ARHGAP26: variants seen among roughly 807,000 people sequenced by gnomAD.
ARHGAP26 encodes Rho GTPase activating protein 26.
A neutral mutation model predicts 104.8 loss-of-function variants in ARHGAP26; 38 were observed. The ratio of observed to expected loss-of-function variants is 0.36; its 90% CI spans 0.28 to 0.48. The LOEUF (loss-of-function observed/expected upper bound fraction) is 0.48, where lower values mean the gene tolerates loss of function less well. Among genes scored for constraint, ARHGAP26 ranks in the 20% least tolerant of loss-of-function variants. The probability of loss-of-function intolerance (pLI) is 0.99; values close to 1 mark genes in which losing one functional copy is unlikely to be tolerated. For missense variants in ARHGAP26, 704 were observed against 947.9 expected, an observed-to-expected ratio of 0.74 and a Z score of 3.38; for synonymous variants, 341 against 340.0, an observed-to-expected ratio of 1.00 and a Z score of -0.03.
chr5:142,842,587 A>G (rs1180692868), intron 1 of ARHGAP26, among the ~76,000 whole-genome samples: 1 of 152,236 alleles, frequency 6.6e-6, no homozygotes, highest in Admixed American at 6.5e-5. Context: ...AAACATGCCT[A>G]GAGGTCCCAC....
intron 20 of ARHGAP26, among the ~76,000 whole-genome samples, chr5:143,177,987 CTTTTTTTTTTTTTT>C (rs397705462): frequency 1.9e-4 from 11 of 58,340 alleles, no homozygotes; most frequent in South Asian, 9.8e-4. Context: ...TGTGGCAGTC[CTTTTTTTTTTTTTT>C]TTTTTTTTTT....
At position 143,228,601 on chromosome 5, in the gene ARHGAP26, G is replaced by T. The variant is rs1044714000; in HGVS notation, c.*6155G>T. 1.4e-4 allele frequency: 29 copies of T among 214,512 alleles called. No homozygotes were observed. Among genetic ancestry groups the T allele is most frequent in the South Asian group, 1.9e-4 (1 of 5,350 alleles). 13.3% of individuals were successfully genotyped at this position (214,512 alleles called of 1,614,324 possible). Reference sequence around the variant, plus strand: ...CCACATTTTGGAAAAGAAAATATTTGCATGTTTAATTCATAATTTAGGCTA... The same window carrying T: ...CCACATTTTGGAAAAGAAAATATTTTCATGTTTAATTCATAATTTAGGCTA... On this transcript the variant is annotated 3_prime_UTR_variant, in exon 23 of 23. Transcript: ENST00000645722.
At chr5:142,901,011 G>T (rs1330904068) in intron 6 of ARHGAP26, among the ~76,000 whole-genome samples, 7 of 152,116 alleles carry the variant, frequency 4.6e-5, no homozygotes, top group Non-Finnish European at 1.0e-4. Context: ...CTTTCTTCAG[G>T]TTGAAGTTTA....
intron 1 of ARHGAP26, among the ~76,000 whole-genome samples, chr5:142,793,506 G>A (rs1046552483): frequency 1.3e-5 from 2 of 151,992 alleles, no homozygotes; most frequent in Non-Finnish European, 2.9e-5. Context: ...GTATGGACAT[G>A]GAGTATTGGT....
intron 17 of ARHGAP26, among the ~76,000 whole-genome samples, chr5:143,090,165 C>G (rs557076251): frequency 2.0e-5 from 3 of 152,200 alleles, no homozygotes; most frequent in Non-Finnish European, 4.4e-5. Flanking sequence ...CGCAGGGTGC[C>G]GGACTTCGGG....
intron 20 of ARHGAP26, among the ~76,000 whole-genome samples, chr5:143,170,892 C>G (rs72799992): frequency 0.038 from 5,750 of 152,212 alleles, 161 homozygotes; most frequent in Non-Finnish European, 0.058. Context: ...CTTTTTCTTG[C>G]CCTCCATTCT....
chr5:143,127,156 C>G (rs147174860), intron 18 of ARHGAP26, among the ~76,000 whole-genome samples: 1 of 152,302 alleles, frequency 6.6e-6, no homozygotes, highest in East Asian at 1.9e-4. Flanking sequence ...AAACTGCTTG[C>G]TTTTCATAGT....
chr5:142,860,249 A>C (rs531117298), intron 1 of ARHGAP26: 61 of 152,358 alleles, frequency 4.0e-4, no homozygotes, highest in African/African-American at 1.4e-3. Context: ...CCTTCTGAGC[A>C]TGGGACCCTG....
intron 11 of ARHGAP26, among the ~76,000 whole-genome samples, chr5:142,995,046 T>A (rs1233342582): frequency 6.6e-6 from 1 of 152,138 alleles, no homozygotes; most frequent in Non-Finnish European, 1.5e-5. Context: ...ACGTAAGACC[T>A]AAGACAATAA....
At chr5:143,181,167 T>C (rs1804286018) in intron 20 of ARHGAP26, among the ~76,000 whole-genome samples, 1 of 152,216 alleles carries the variant, frequency 6.6e-6, no homozygotes, top group Admixed American at 6.5e-5. Context: ...ACCTGTGGGA[T>C]TGTTCTACCA....
intron 20 of ARHGAP26, among the ~76,000 whole-genome samples, chr5:143,152,595 C>T (rs1288853274): frequency 6.6e-6 from 1 of 152,186 alleles, no homozygotes; most frequent in Non-Finnish European, 1.5e-5. Flanking sequence ...ATCTTTGCAA[C>T]CCCTCCCATT....
chr5:142,992,686 A>G (rs1201311671), intron 11 of ARHGAP26, among the ~76,000 whole-genome samples: 3 of 152,032 alleles, frequency 2.0e-5, no homozygotes, highest in African/African-American at 4.8e-5. Context: ...CTCGCCTCCC[A>G]AAGTGCTAGC....
intron 17 of ARHGAP26, among the ~76,000 whole-genome samples, chr5:143,110,674 A>T (rs1794673048): frequency 6.6e-6 from 1 of 152,232 alleles, no homozygotes. Context: ...CATTTTATAA[A>T]CTATAAAATG....
intron 11 of ARHGAP26, among the ~76,000 whole-genome samples, chr5:142,970,705 A>C (rs1423746968): frequency 6.6e-6 from 1 of 152,200 alleles, no homozygotes; most frequent in Admixed American, 6.5e-5. Context: ...ATGGTTCCCC[A>C]AGGGAGAATC....
At chr5:143,102,077 T>C (rs946392769) in intron 17 of ARHGAP26, among the ~76,000 whole-genome samples, 2 of 152,266 alleles carry the variant, frequency 1.3e-5, no homozygotes, top group East Asian at 1.9e-4. Flanking sequence ...AACTATGTGG[T>C]AAGTGGAACT....
At chr5:143,190,963 T>G (rs2151251949) in intron 20 of ARHGAP26, among the ~76,000 whole-genome samples, 1 of 152,338 alleles carries the variant, frequency 6.6e-6, no homozygotes, top group South Asian at 2.1e-4. Context: ...ATTCCACTTT[T>G]GTGAAATATC....
At chr5:142,910,768 G>A (rs1761727283) in intron 9 of ARHGAP26, among the ~76,000 whole-genome samples, 1 of 152,078 alleles carries the variant, frequency 6.6e-6, no homozygotes, top group Non-Finnish European at 1.5e-5. Context: ...AAATAGAGAT[G>A]AGTCTCACTA....
At chr5:143,049,675 T>C (rs1372125130) in intron 14 of ARHGAP26, among the ~76,000 whole-genome samples, 4 of 152,254 alleles carry the variant, frequency 2.6e-5, no homozygotes, top group African/African-American at 9.6e-5. Flanking sequence ...GCTATTTTCC[T>C]GATTCCTGTT....
intron 12 of ARHGAP26, chr5:143,014,357 A>G: frequency 1.7e-6 from 1 of 577,738 alleles, no homozygotes. Flanking sequence ...AATGGGTCAC[A>G]CTTTACAAAG....
Sources: gnomAD v4.1 joint callset for allele counts (sites outside exome capture counted in the v4.1 genomes callset) on GRCh38, gnomAD v4.1.1 for gene constraint, MANE v1.5 for transcripts, NCBI Gene and HGNC (gene_info 2026-07-23, HGNC 2026-07-21) for gene names.